The following ZMYND11 variants were observed in gnomAD, a reference collection of about 807,000 sequenced individuals.
ZMYND11 encodes zinc finger MYND domain-containing protein 11.
Under a neutral mutation model 84.9 loss-of-function variants are expected in ZMYND11, and 9 were observed. That is an observed-to-expected ratio of 0.11 (90% confidence interval 0.06 to 0.18). The LOEUF (loss-of-function observed/expected upper bound fraction) is 0.18, where lower values mean the gene tolerates loss of function less well. Ranked by LOEUF, ZMYND11 falls within the 10% of genes least tolerant of loss-of-function variation. The pLI is 1.00. For missense variants in ZMYND11, 409 were observed against 761.0 expected (o/e 0.54, Z 5.44); for synonymous variants, 250 against 244.1 (o/e 1.02, Z -0.23).
intron 13 of ZMYND11, 139 bp downstream of exon 13, chr10:248,747 CAAGT>C: frequency 1.4e-6 from 2 of 1,385,640 alleles, no homozygotes; most frequent in Non-Finnish European, 1.9e-6. Context: ...TACAGCATTT[CAAGT>C]AATAATGATA....
chr10:169,818 T>C (rs534947391), intron 1 of ZMYND11, among the ~76,000 whole-genome samples: 29 of 152,030 alleles, frequency 1.9e-4, no homozygotes, highest in African/African-American at 6.8e-4. Flanking sequence ...CTATGAAAGA[T>C]GTAATATATG....
At chr10:179,172 G>T (rs1847305979) in intron 1 of ZMYND11, among the ~76,000 whole-genome samples, 2 of 152,110 alleles carry the variant, frequency 1.3e-5, no homozygotes, top group Admixed American at 1.3e-4. Context: ...ATTCCTACAA[G>T]CACGTCTCTC....
intron 4 of ZMYND11, among the ~76,000 whole-genome samples, chr10:234,429 T>C (rs1196891391): frequency 1.3e-5 from 2 of 152,214 alleles, no homozygotes; most frequent in African/African-American, 4.8e-5. Context: ...CTGTGCATGA[T>C]ATTTAGTGAA....
At chr10:221,566 G>A (rs982109485) in intron 4 of ZMYND11, among the ~76,000 whole-genome samples, 1 of 152,126 alleles carries the variant, frequency 6.6e-6, no homozygotes, top group Non-Finnish European at 1.5e-5. Context: ...TTTTAATCAC[G>A]TAAAAATATA....
intron 1 of ZMYND11, among the ~76,000 whole-genome samples, chr10:159,922 C>T (rs2131467754): frequency 6.6e-6 from 1 of 152,252 alleles, no homozygotes; most frequent in Non-Finnish European, 1.5e-5. Flanking sequence ...TAGGTGCCAT[C>T]TGCAAATAGA....
intron 2 of ZMYND11, among the ~76,000 whole-genome samples, chr10:182,964 T>G (rs553388249): frequency 1.1e-4 from 17 of 152,314 alleles, no homozygotes; most frequent in African/African-American, 4.1e-4. Flanking sequence ...GCAGATATCT[T>G]AAGGTACTGA....
rs547940877 is a variant in ZMYND11, at chr10:253,350, A to G, written c.*880A>G. The G allele has an allele frequency of 3.9e-5, 6 of 152,710 alleles. No homozygotes were observed. In the East Asian group the frequency reaches 7.7e-4, roughly 20 times the overall value. The allele number at this position is 152,710 out of a possible 1,614,324, so 9.5% of individuals were successfully genotyped here. A position where few individuals can be genotyped will look rare whatever the true frequency, so the allele number is the denominator to read the frequency against. ...CTTCCCACATATCATCTCACTGCCT[A>G]TTATCTGGTGTCACCTCATGTATCG... is the stretch of plus-strand genomic sequence containing the variant. On this transcript the variant is annotated 3_prime_UTR_variant, in exon 15 of 15. Coordinates refer to ENST00000381604, the MANE Select transcript of ZMYND11 (RefSeq NM_001370100.5).
At chr10:139,150 T>A (rs1271360877) in intron 1 of ZMYND11, among the ~76,000 whole-genome samples, 9 of 152,244 alleles carry the variant, frequency 5.9e-5, no homozygotes, top group Admixed American at 3.9e-4. Context: ...CTATTTTAAT[T>A]CATTTGAATA....
rs182489577 is a variant in ZMYND11, at chr10:163,378, A to G, written c.-19-16616A>G. Among the ~76,000 whole-genome samples, 364 of 152,206 alleles carry G rather than the reference A, an allele frequency of 2.4e-3. 3 individuals are homozygous for G. Among genetic ancestry groups the G allele is most frequent in the African/African-American group, 8.4e-3 (348 of 41,540 alleles). On this transcript the variant is annotated intron_variant, in intron 1 of 14. Coordinates refer to ENST00000381604, the MANE Select transcript of ZMYND11 (RefSeq NM_001370100.5). ...TTTCAGGGCTAGGAACTCTTCTTGA[A>G]TAATTTTTTCCTTCCATTTTATTAT...
chr10:170,538 G>A (rs1266980695), intron 1 of ZMYND11, among the ~76,000 whole-genome samples: 1 of 151,884 alleles, frequency 6.6e-6, no homozygotes, highest in East Asian at 1.9e-4. Context: ...TGGCACAAGG[G>A]ACTAGAGGGA....
intron 14 of ZMYND11, 148 bp downstream of exon 14, chr10:249,236 T>G (rs1048948845): frequency 1.6e-5 from 24 of 1,464,316 alleles, no homozygotes; most frequent in Non-Finnish European, 2.2e-5. Context: ...TTTAAAAATT[T>G]TATTAAAAGT....
chr10:175,005 T>G (rs565764167), intron 1 of ZMYND11, among the ~76,000 whole-genome samples: 1 of 150,750 alleles, frequency 6.6e-6, no homozygotes, highest in Admixed American at 6.6e-5. Context: ...TCAGAACCCA[T>G]GGGCACTACA....
At chr10:158,666 C>T (rs1052270218) in intron 1 of ZMYND11, among the ~76,000 whole-genome samples, 4 of 151,350 alleles carry the variant, frequency 2.6e-5, no homozygotes, top group Non-Finnish European at 5.9e-5. Context: ...AGTGATCTGC[C>T]TTCTTCGGCC....
chr10:163,359 G>A (rs1328229951), intron 1 of ZMYND11, among the ~76,000 whole-genome samples: 1 of 151,862 alleles, frequency 6.6e-6, no homozygotes, highest in Non-Finnish European at 1.5e-5. Context: ...TATTTTTCAG[G>A]GCTAGGAACT....
intron 10 of ZMYND11, among the ~76,000 whole-genome samples, chr10:244,238 C>G (rs1564455773): frequency 2.0e-5 from 3 of 152,128 alleles, no homozygotes; most frequent in Admixed American, 6.6e-5. Flanking sequence ...AACTTATGCT[C>G]AAAAGGTTCT....
At chr10:151,292 A>G (rs1466103440) in intron 1 of ZMYND11, among the ~76,000 whole-genome samples, 3 of 152,218 alleles carry the variant, frequency 2.0e-5, no homozygotes, top group Non-Finnish European at 1.5e-5. Context: ...GTTCGAACCC[A>G]TCGCAAAGAA....
chr10:187,395 G>A (rs1450438274), intron 2 of ZMYND11, among the ~76,000 whole-genome samples: 1 of 152,212 alleles, frequency 6.6e-6, no homozygotes, highest in African/African-American at 2.4e-5. Flanking sequence ...AGCACTTTGG[G>A]AGGCCGAGGC....
chr10:169,932 T>C (rs1844893282), intron 1 of ZMYND11, among the ~76,000 whole-genome samples: 1 of 103,068 alleles, frequency 9.7e-6, no homozygotes, highest in Admixed American at 1.2e-4. Context: ...CAACCAAAGA[T>C]CAAGGAAGTT....
chr10:158,999 T>G (rs1842372261), intron 1 of ZMYND11, among the ~76,000 whole-genome samples: 1 of 146,594 alleles, frequency 6.8e-6, no homozygotes, highest in South Asian at 2.1e-4. Flanking sequence ...TTGTTTTTTT[T>G]TTTTTTTTTA....
Sources: gnomAD v4.1 joint callset for allele counts (sites outside exome capture counted in the v4.1 genomes callset) on GRCh38, gnomAD v4.1.1 for gene constraint, MANE v1.5 for transcripts, NCBI Gene and HGNC (gene_info 2026-07-23, HGNC 2026-07-21) for gene names.